FER: variants seen among roughly 807,000 people sequenced by gnomAD.
The protein encoded by FER is tyrosine-protein kinase Fer.
In FER, 63 loss-of-function variants were observed where a neutral mutation model predicts 111.0. The observed-to-expected ratio is 0.57, with a 90% CI of 0.46 to 0.70. The LOEUF (loss-of-function observed/expected upper bound fraction) is 0.70. Among genes scored for constraint, FER ranks in the 30% least tolerant of loss-of-function variants. FER has a pLI of 0.00. For synonymous variants in FER, 327 were observed against 313.9 expected (o/e 1.04, Z -0.44); for missense variants, 914 against 954.0 (o/e 0.96, Z 0.55).
At chr5:108,871,892 A>G in intron 7 of FER, among the ~76,000 whole-genome samples, 1 of 152,066 alleles carries the variant, frequency 6.6e-6, no homozygotes. Context: ...AAGCAGGTTA[A>G]TGCCTGAATT....
chr5:108,823,059 A>G (rs1024653462), intron 3 of FER, among the ~76,000 whole-genome samples: 4 of 152,150 alleles, frequency 2.6e-5, no homozygotes, highest in Non-Finnish European at 5.9e-5. Context: ...TTTAGTAGAG[A>G]CAGGATTTCA....
In FER at chr5:109,089,318, A is replaced by C. The variant is rs139272161; in HGVS notation, c.1925-11078A>C. ...GAAAAGTGAAATACCACTAAGATGG[A>C]ATTGTTACCCCTTTCACATTTTTTG... On this transcript the variant is annotated intron_variant, in intron 16 of 19. Transcript: ENST00000281092. Among the ~76,000 whole-genome samples, 128 of 152,158 alleles carry C rather than the reference A, an allele frequency of 8.4e-4. 3 individuals are homozygous for C. The highest frequency in any genetic ancestry group is 6.6e-4 in the Admixed American group (10 of 15,262).
At chr5:108,882,400 A>T (rs1379142461) in intron 8 of FER, among the ~76,000 whole-genome samples, 1 of 151,972 alleles carries the variant, frequency 6.6e-6, no homozygotes, top group Non-Finnish European at 1.5e-5. Context: ...TAATAATGTC[A>T]TATGCTTATT....
chr5:108,788,271 G>T (rs111352806), intron 2 of FER, among the ~76,000 whole-genome samples: 87 of 152,318 alleles, frequency 5.7e-4, no homozygotes, highest in African/African-American at 1.6e-3. Context: ...GGAGCTGCCT[G>T]TCCTGCAGCA....
At chr5:109,114,526 C>A (rs184727074) in intron 17 of FER, among the ~76,000 whole-genome samples, 3 of 152,068 alleles carry the variant, frequency 2.0e-5, no homozygotes, top group African/African-American at 7.2e-5. Flanking sequence ...AATGATTGAA[C>A]CCTTGCTCTG....
At chr5:108,904,844 T>G (rs1750529846) in intron 10 of FER, among the ~76,000 whole-genome samples, 1 of 152,108 alleles carries the variant, frequency 6.6e-6, no homozygotes, top group South Asian at 2.1e-4. Context: ...GATGAGTAAA[T>G]TTTTGCTTCC....
At chr5:108,834,658 A>G (rs945353387) in intron 4 of FER, among the ~76,000 whole-genome samples, 11 of 151,324 alleles carry the variant, frequency 7.3e-5, no homozygotes, top group African/African-American at 2.4e-4. Flanking sequence ...AGATCATGCC[A>G]CTGCCCTAAC....
intron 10 of FER, among the ~76,000 whole-genome samples, chr5:108,900,648 A>G (rs1260355518): frequency 6.6e-6 from 1 of 152,220 alleles, no homozygotes; most frequent in African/African-American, 2.4e-5. Flanking sequence ...ATTATGCTCC[A>G]TGATCTTAGT....
chr5:108,820,023 T>G (rs1758683372), intron 3 of FER: 3 of 985,178 alleles, frequency 3.0e-6, no homozygotes, highest in Non-Finnish European at 3.6e-6. Flanking sequence ...GAACGGCTTG[T>G]CTAGGACATG....
intron 8 of FER, among the ~76,000 whole-genome samples, chr5:108,874,136 T>G (rs1764869837): frequency 6.6e-6 from 1 of 152,228 alleles, no homozygotes; most frequent in African/African-American, 2.4e-5. Flanking sequence ...TTGATTAATA[T>G]GTTTTAATAA....
intron 8 of FER, among the ~76,000 whole-genome samples, chr5:108,872,427 T>C (rs1384844117): frequency 1.1e-4 from 17 of 152,138 alleles, no homozygotes; most frequent in African/African-American, 3.4e-4. Context: ...GTTACATTCA[T>C]TTGCCCAATT....
chr5:108,847,045 G>A (rs1762097173), intron 5 of FER, among the ~76,000 whole-genome samples: 1 of 151,006 alleles, frequency 6.6e-6, no homozygotes, highest in Non-Finnish European at 1.5e-5. Context: ...GCTTGCTTTA[G>A]GCTTAGTTTG....
intron 10 of FER, among the ~76,000 whole-genome samples, chr5:108,944,124 CACACACACACACACACAA>C (rs1415605314): frequency 6.6e-6 from 1 of 151,802 alleles, no homozygotes; most frequent in Non-Finnish European, 1.5e-5. Context: ...CACACACACA[CACACACACACACACACAA>C]ACACACACAC....
intron 13 of FER, among the ~76,000 whole-genome samples, chr5:108,990,268 G>A (rs778873407): frequency 6.6e-6 from 1 of 151,766 alleles, no homozygotes; most frequent in Admixed American, 6.6e-5. Flanking sequence ...TAACTTGGTG[G>A]TTTTCATTTG....
chr5:108,816,918 G>T (rs1376402044), intron 3 of FER, among the ~76,000 whole-genome samples: 1 of 151,464 alleles, frequency 6.6e-6, no homozygotes, highest in Non-Finnish European at 1.5e-5. Flanking sequence ...CCTGGGCAAC[G>T]TGGCAAAATC....
intron 13 of FER, among the ~76,000 whole-genome samples, chr5:109,011,174 GCTT>G (rs1460654910): frequency 1.3e-5 from 2 of 151,900 alleles, no homozygotes; most frequent in Non-Finnish European, 2.9e-5. Context: ...TATATAATCA[GCTT>G]CTTTTGATGC....
intron 14 of FER, among the ~76,000 whole-genome samples, chr5:109,041,945 G>A (rs1302932307): frequency 6.6e-6 from 1 of 152,094 alleles, no homozygotes; most frequent in Non-Finnish European, 1.5e-5. Flanking sequence ...AAGTTTAGAT[G>A]GCAAAAGGAA....
At chr5:108,901,085 C>G (rs770867234) in intron 10 of FER, among the ~76,000 whole-genome samples, 1 of 150,902 alleles carries the variant, frequency 6.6e-6, no homozygotes, top group South Asian at 2.1e-4. Context: ...CACCTCCCCA[C>G]CCCCGCCATG....
At chr5:109,020,075 C>G (rs973141645) in intron 13 of FER, among the ~76,000 whole-genome samples, 1 of 151,912 alleles carries the variant, frequency 6.6e-6, no homozygotes, top group Non-Finnish European at 1.5e-5. Flanking sequence ...ACACGCCCAC[C>G]AGATTTGACT....
Sources: allele counts gnomAD v4.1 joint callset (sites outside exome capture counted in the v4.1 genomes callset), GRCh38; gene constraint gnomAD v4.1.1; transcripts MANE v1.5; gene names NCBI Gene and HGNC (gene_info 2026-07-23, HGNC 2026-07-21).